Variants in APBB2 observed in about 807,000 individuals in gnomAD.
APBB2 encodes the protein Fe65-like 1.
Under a neutral mutation model 82.5 loss-of-function variants are expected in APBB2, and 38 were observed. That is an observed-to-expected ratio of 0.46 (90% CI 0.36 to 0.60). The LOEUF (loss-of-function observed/expected upper bound fraction) is 0.60, where lower values mean the gene tolerates loss of function less well. APBB2 is among the 20% of genes least tolerant of loss of function. The pLI, the probability that APBB2 is intolerant of heterozygous loss-of-function variation, is 0.00. For missense variants in APBB2, 772 were observed against 972.3 expected (o/e 0.79, Z 2.74); for synonymous variants, 341 against 368.2 (o/e 0.93, Z 0.85).
At chr4:41,066,157 G>C (rs1306349610) in intron 3 of APBB2, among the ~76,000 whole-genome samples, 3 of 108,646 alleles carry the variant, frequency 2.8e-5, no homozygotes, top group African/African-American at 9.5e-5. Context: ...AAACTTTTCA[G>C]TGACATATAA....
chr4:40,937,966 G>A (rs985337038), intron 7 of APBB2, among the ~76,000 whole-genome samples: 8 of 152,202 alleles, frequency 5.3e-5, no homozygotes, highest in Non-Finnish European at 7.4e-5. Context: ...ATCCACCCCC[G>A]TAGGGGTGGG....
chr4:41,171,288 T>C (rs1290710456), intron 1 of APBB2, among the ~76,000 whole-genome samples: 4 of 152,222 alleles, frequency 2.6e-5, no homozygotes, highest in South Asian at 2.1e-4. Flanking sequence ...CCCTGGACTA[T>C]AGTGATACAG....
intron 12 of APBB2, among the ~76,000 whole-genome samples, chr4:40,852,594 G>C (rs1236067472): frequency 6.6e-6 from 1 of 151,784 alleles, no homozygotes; most frequent in Non-Finnish European, 1.5e-5. Context: ...GCACTGGATG[G>C]ATACGTCTGC....
intron 3 of APBB2, among the ~76,000 whole-genome samples, chr4:41,083,412 C>T (rs1246304072): frequency 4.0e-5 from 6 of 151,642 alleles, no homozygotes; most frequent in Non-Finnish European, 7.4e-5. Context: ...ACATTGTGGC[C>T]GGGTGCAGTG....
chr4:41,174,105 GA>G (rs1769091866), intron 1 of APBB2, among the ~76,000 whole-genome samples: 1 of 152,274 alleles, frequency 6.6e-6, no homozygotes, highest in Admixed American at 6.5e-5. Flanking sequence ...CACCGAAGCT[GA>G]TCACTTTTTC....
chr4:41,074,651 C>A (rs1163671639), intron 3 of APBB2, among the ~76,000 whole-genome samples: 2 of 149,656 alleles, frequency 1.3e-5, no homozygotes, highest in Non-Finnish European at 3.0e-5. Flanking sequence ...GCTCTGTCGC[C>A]CAGGCTGGAG....
At chr4:41,212,568 A>G (rs1305024825) in intron 1 of APBB2, among the ~76,000 whole-genome samples, 2 of 152,222 alleles carry the variant, frequency 1.3e-5, no homozygotes, top group Non-Finnish European at 2.9e-5. Flanking sequence ...GAGGGAATAA[A>G]AGCATAGGAC....
At chr4:40,984,057 C>T (rs1799785688) in intron 6 of APBB2, among the ~76,000 whole-genome samples, 1 of 152,150 alleles carries the variant, frequency 6.6e-6, no homozygotes, top group Non-Finnish European at 1.5e-5. Context: ...CTATGCAAAA[C>T]TTGGTTTTGA....
At chr4:40,972,538 C>CT (rs919952132) in intron 6 of APBB2, among the ~76,000 whole-genome samples, 2 of 152,082 alleles carry the variant, frequency 1.3e-5, no homozygotes, top group African/African-American at 4.8e-5. Context: ...TCAGAAACTC[C>CT]TAAATAGTAA....
At chr4:41,007,617 C>T (rs897237628) in intron 6 of APBB2, among the ~76,000 whole-genome samples, 1 of 152,152 alleles carries the variant, frequency 6.6e-6, no homozygotes, top group Non-Finnish European at 1.5e-5. Flanking sequence ...GAGCCTAGAA[C>T]ATAAATAAGA....
At chr4:40,867,999 T>C (rs1764462858) in intron 12 of APBB2, among the ~76,000 whole-genome samples, 1 of 151,728 alleles carries the variant, frequency 6.6e-6, no homozygotes, top group Non-Finnish European at 1.5e-5. Context: ...TCCTGAGTAG[T>C]TAGGTCTACA....
In APBB2 at chr4:40,811,922, G is replaced by A. The variant is rs571512448; in HGVS notation, c.*4170C>T. On this transcript the variant is annotated 3_prime_UTR_variant, in exon 18 of 18. Coordinates refer to ENST00000508593, the MANE Select transcript of APBB2 (RefSeq NM_004307.2). ...AGTTACCTTTCATTTTGGATTTAGT[G>A]TGTGTACACCTCTATTCTTTATTCT... 6.6e-6 allele frequency: 1 copy of A among 152,290 alleles called. No individual in the cohort carries two copies. The highest frequency in any genetic ancestry group is 1.9e-4 in the East Asian group (1 of 5,188). 9.4% of individuals were successfully genotyped at this position (152,290 alleles called of 1,614,324 possible). A position where few individuals can be genotyped will look rare whatever the true frequency, so the allele number is the denominator to read the frequency against.
intron 12 of APBB2, among the ~76,000 whole-genome samples, chr4:40,856,510 T>G (rs938127894): frequency 1.3e-5 from 2 of 152,250 alleles, no homozygotes; most frequent in Admixed American, 6.5e-5. Flanking sequence ...TAAAATCATT[T>G]GGAAATGCAC....
chr4:40,944,783 T>C, intron 7 of APBB2, 82 bp downstream of exon 7: 2 of 1,384,996 alleles, frequency 1.4e-6, no homozygotes, highest in Non-Finnish European at 2.0e-6. Flanking sequence ...TGATGACCTG[T>C]TGGGGCAGAA....
At chr4:40,853,395 A>G (rs1760119551) in intron 12 of APBB2, among the ~76,000 whole-genome samples, 1 of 150,082 alleles carries the variant, frequency 6.7e-6, no homozygotes, top group South Asian at 2.1e-4. Flanking sequence ...TCCAGCACAA[A>G]CCACTGGCCT....
intron 10 of APBB2, among the ~76,000 whole-genome samples, chr4:40,918,327 G>A (rs1780342469): frequency 6.6e-6 from 1 of 152,238 alleles, no homozygotes; most frequent in Non-Finnish European, 1.5e-5. Context: ...ATGTGAAGGT[G>A]TTTTGCAGGC....
chr4:41,086,597 T>C (rs1190243649), intron 3 of APBB2, among the ~76,000 whole-genome samples: 1 of 152,112 alleles, frequency 6.6e-6, no homozygotes, highest in African/African-American at 2.4e-5. Context: ...AAAAAGAGCA[T>C]TTGACAAAAT....
chr4:41,066,720 C>T (rs1731993363), intron 3 of APBB2, among the ~76,000 whole-genome samples: 1 of 152,222 alleles, frequency 6.6e-6, no homozygotes, highest in African/African-American at 2.4e-5. Context: ...TTGCTGGCCA[C>T]TCTCTAGAGT....
chr4:41,085,673 C>A (rs1739394794), intron 3 of APBB2, among the ~76,000 whole-genome samples: 1 of 151,994 alleles, frequency 6.6e-6, no homozygotes, highest in South Asian at 2.1e-4. Context: ...GACAAAGGCA[C>A]TACCCAAGGA....
Sources: allele counts gnomAD v4.1 joint callset (sites outside exome capture counted in the v4.1 genomes callset), GRCh38; gene constraint gnomAD v4.1.1; transcripts MANE v1.5; gene names NCBI Gene and HGNC (gene_info 2026-07-23, HGNC 2026-07-21).